IRAK1BP1: variants seen among roughly 807,000 people sequenced by gnomAD.
The protein encoded by IRAK1BP1 is interleukin 1 receptor associated kinase 1 binding protein 1.
Under a neutral mutation model 28.0 loss-of-function variants are expected in IRAK1BP1, and 24 were observed. The observed-to-expected ratio is 0.86, with a 90% CI of 0.62 to 1.20. The LOEUF is 1.20. IRAK1BP1 is among the 50% of genes most tolerant of loss of function. The pLI is 0.00. For synonymous variants in IRAK1BP1, 131 were observed against 116.3 expected (o/e 1.13, Z -0.81); for missense variants, 336 against 316.7 (o/e 1.06, Z -0.46).
downstream of IRAK1BP1, among the ~76,000 whole-genome samples, chr6:78,905,381 G>T (rs990139710): frequency 6.6e-6 from 1 of 152,170 alleles, no homozygotes; most frequent in African/African-American, 2.4e-5. Flanking sequence ...GATCACTGTA[G>T]CCCTGATGAC....
At chr6:78,889,294 A>C (rs1771544896) in intron 2 of IRAK1BP1, among the ~76,000 whole-genome samples, 1 of 152,090 alleles carries the variant, frequency 6.6e-6, no homozygotes, top group Non-Finnish European at 1.5e-5. Context: ...TTAAAGACTT[A>C]AGTGTAAAAC....
chr6:78,871,989 G>T, intron 1 of IRAK1BP1: 2 of 560,596 alleles, frequency 3.6e-6, no homozygotes, highest in South Asian at 4.7e-5. Context: ...TGCAAATGGG[G>T]CCAGAGTGTA....
At chr6:78,913,196 G>T (rs1170447898) in intron 4 of IRAK1BP1, among the ~76,000 whole-genome samples, 1 of 151,832 alleles carries the variant, frequency 6.6e-6, no homozygotes, top group Admixed American at 6.6e-5. Flanking sequence ...TTAGCCAGGC[G>T]TGGTGGCATG....
At chr6:78,970,692 T>C in the IRAK1BP1 span, 3 of 790,810 alleles carry the variant, frequency 3.8e-6, no homozygotes, top group Non-Finnish European at 6.1e-6. Flanking sequence ...TGCAGTTTCT[T>C]ATTGTGTTAA....
At chr6:78,893,350 C>A (rs1436751465) in intron 2 of IRAK1BP1, among the ~76,000 whole-genome samples, 54 of 70,542 alleles carry the variant, frequency 7.7e-4, no homozygotes, top group East Asian at 3.8e-3. Context: ...ATATATATAT[C>A]AACGAAGAGT....
chr6:78,960,067 G>A, the IRAK1BP1 span, among the ~76,000 whole-genome samples: 5 of 152,012 alleles, frequency 3.3e-5, no homozygotes, highest in Admixed American at 6.6e-5. Flanking sequence ...CACTGACATC[G>A]CTCAGCATCA....
chr6:78,905,853 G>A (rs761585635), downstream of IRAK1BP1, among the ~76,000 whole-genome samples: 5 of 152,138 alleles, frequency 3.3e-5, no homozygotes, highest in Admixed American at 1.3e-4. Flanking sequence ...CACCTGCCTC[G>A]GCCTCCCAAA....
At chr6:78,947,253 T>G (rs1275023250), downstream of IRAK1BP1, among the ~76,000 whole-genome samples, 1 of 152,192 alleles carries the variant, frequency 6.6e-6, no homozygotes, top group Non-Finnish European at 1.5e-5. Context: ...CACTCCTTTG[T>G]GATGTCATGT....
chr6:78,909,958 A>G (rs554356061), intron 4 of IRAK1BP1, among the ~76,000 whole-genome samples: 7 of 152,324 alleles, frequency 4.6e-5, no homozygotes, highest in African/African-American at 1.7e-4. Flanking sequence ...TCCCACAAAA[A>G]TACAGGAAAA....
the IRAK1BP1 span, among the ~76,000 whole-genome samples, chr6:78,967,221 AAAGTT>A: frequency 4.0e-4 from 61 of 152,346 alleles, no homozygotes; most frequent in Non-Finnish European, 6.5e-4. Flanking sequence ...AGCCAGGAGA[AAAGTT>A]AATAGAACAC....
At chr6:78,941,415 T>C in intron 4 of IRAK1BP1, 1 of 825,558 alleles carries the variant, frequency 1.2e-6, no homozygotes, top group Non-Finnish European at 1.9e-6. Context: ...CCCATTGGTA[T>C]ACTTATATGT....
At chr6:78,918,535 A>G (rs1454514007) in intron 4 of IRAK1BP1, among the ~76,000 whole-genome samples, 1 of 126,760 alleles carries the variant, frequency 7.9e-6, no homozygotes, top group East Asian at 2.6e-4. Context: ...AGCAGAGGTC[A>G]TGGTTGTTAT....
the IRAK1BP1 span, among the ~76,000 whole-genome samples, chr6:78,953,407 A>G: frequency 7.2e-4 from 109 of 152,190 alleles, 1 homozygote; most frequent in Non-Finnish European, 1.4e-3. Flanking sequence ...TGCAAAGCCC[A>G]GAATACAAAC....
the IRAK1BP1 span, among the ~76,000 whole-genome samples, chr6:78,972,917 A>C: frequency 6.6e-6 from 1 of 152,224 alleles, no homozygotes; most frequent in Admixed American, 6.5e-5. Flanking sequence ...TGTACCTGAA[A>C]GTGATGGGGA....
chr6:78,952,429 AAAAAAAAAAAAG>A, the IRAK1BP1 span, among the ~76,000 whole-genome samples: 7 of 132,810 alleles, frequency 5.3e-5, no homozygotes, highest in African/African-American at 1.4e-4. Context: ...AAAAAAAAAG[AAAAAAAAAAAAG>A]AAAAAAAAAA....
At chr6:78,934,125 GA>G (rs952354090) in intron 4 of IRAK1BP1, among the ~76,000 whole-genome samples, 8 of 152,200 alleles carry the variant, frequency 5.3e-5, no homozygotes, top group South Asian at 4.1e-4. Flanking sequence ...AAAAGAGGGA[GA>G]GGGGGGAATG....
intron 4 of IRAK1BP1, among the ~76,000 whole-genome samples, chr6:78,934,267 T>C (rs145805177): frequency 2.0e-5 from 3 of 152,318 alleles, no homozygotes; most frequent in Non-Finnish European, 2.9e-5. Flanking sequence ...CATGGACAGA[T>C]AGAATGAGAT....
chr6:78,903,192 T>C (rs1380936831), downstream of IRAK1BP1: 1 of 713,944 alleles, frequency 1.4e-6, no homozygotes, highest in Non-Finnish European at 2.2e-6. Flanking sequence ...GGTTTAAACT[T>C]TATTAGGAGG....
At chr6:78,970,915 AC>A in the IRAK1BP1 span, 1 of 1,478,732 alleles carries the variant, frequency 6.8e-7, no homozygotes, top group Non-Finnish European at 9.3e-7. Flanking sequence ...TAATCTTACA[AC>A]CTGGATGTGT....
Sources: gnomAD v4.1 joint callset for allele counts (sites outside exome capture counted in the v4.1 genomes callset) on GRCh38, gnomAD v4.1.1 for gene constraint, MANE v1.5 for transcripts, NCBI Gene and HGNC (gene_info 2026-07-23, HGNC 2026-07-21) for gene names.